The following SPPL2B variants were observed in gnomAD, a reference collection of about 807,000 sequenced individuals.
SPPL2B encodes the protein signal peptide peptidase like 2B.
SPPL2B carries 39 observed loss-of-function variants against 59.7 expected under a neutral mutation model. That is an observed-to-expected ratio of 0.65 (90% CI 0.51 to 0.85). The LOEUF (loss-of-function observed/expected upper bound fraction) is 0.85. SPPL2B is among the 40% of genes least tolerant of loss of function. The pLI is 0.00. For missense variants in SPPL2B, 865 were observed against 849.0 expected (o/e 1.02, Z -0.23); for synonymous variants, 419 against 370.8 (o/e 1.13, Z -1.49).
chr19:2,337,392 C>T, intron 2 of SPPL2B, 51 bp from the exon 3 acceptor site: 4 of 1,511,026 alleles, frequency 2.6e-6, no homozygotes, highest in Non-Finnish European at 2.7e-6. Flanking sequence ...CAGCTGGGCC[C>T]TCCTGGTGAC....
intron 2 of SPPL2B, among the ~76,000 whole-genome samples, chr19:2,336,252 A>G (rs1372253731): frequency 1.3e-5 from 2 of 148,750 alleles, no homozygotes; most frequent in Admixed American, 6.8e-5. Context: ...TGCATGCAAT[A>G]GTTTTGTGTA....
chr19:2,340,738 T>C (rs1609754), intron 7 of SPPL2B, among the ~76,000 whole-genome samples, 160 bp from the exon 8 acceptor site: 145,088 of 152,168 alleles, frequency 0.95, 69,187 homozygotes, highest in South Asian at 0.99. Context: ...GCCCTTGGGG[T>C]GCCTACTGTT....
Sources: gnomAD v4.1 joint callset for allele counts (sites outside exome capture counted in the v4.1 genomes callset) on GRCh38, gnomAD v4.1.1 for gene constraint, MANE v1.5 for transcripts, NCBI Gene and HGNC (gene_info 2026-07-23, HGNC 2026-07-21) for gene names.